The following DNAL1 variants were observed in gnomAD, a reference collection of about 807,000 sequenced individuals.
The protein encoded by DNAL1 is dynein axonemal light chain 1, also known as chromosome 14 open reading frame 168.
DNAL1 carries 17 observed loss-of-function variants against 29.4 expected under a neutral mutation model. The observed-to-expected ratio is 0.58, with a 90% confidence interval of 0.40 to 0.87. The LOEUF (loss-of-function observed/expected upper bound fraction) is 0.87. DNAL1 is among the 40% of genes least tolerant of loss of function. DNAL1 has a pLI of 0.00. For missense variants in DNAL1, 188 were observed against 214.1 expected, an observed-to-expected ratio of 0.88 and a Z score of 0.76; for synonymous variants, 78 against 76.3, an observed-to-expected ratio of 1.02 and a Z score of -0.12.
chr14:73,681,539 G>A (rs62004929), intron 5 of DNAL1, among the ~76,000 whole-genome samples: 33,918 of 144,150 alleles, frequency 0.24, 5,033 homozygotes, highest in Non-Finnish European at 0.34. Flanking sequence ...AGGCTGAGGC[G>A]GTGGGATCAC....
In DNAL1 at chr14:73,658,840, C is replaced by G. The variant is rs369887147; in HGVS notation, c.43-7C>G. On this transcript the variant is annotated splice_region_variant and splice_polypyrimidine_tract_variant and intron_variant, in intron 2 of 7. Transcript: ENST00000553645. Reference sequence around the variant, plus strand: ...GGTTATTTCTTCCAAATGTATTTTTCTCATAGGAAGAGAAAACTGGCCAGA... The same window carrying G: ...GGTTATTTCTTCCAAATGTATTTTTGTCATAGGAAGAGAAAACTGGCCAGA... The G allele has an allele frequency of 6.3e-7, 1 of 1,594,872 alleles. No individual in the cohort carries two copies. Among genetic ancestry groups the G allele is most frequent in the Non-Finnish European group, 8.5e-7 (1 of 1,169,820 alleles).
chr14:73,664,690 G>A (rs1010020608), intron 4 of DNAL1, among the ~76,000 whole-genome samples: 8 of 151,752 alleles, frequency 5.3e-5, no homozygotes, highest in African/African-American at 1.5e-4. Flanking sequence ...GCAACATAGC[G>A]AGACCCCCAT....
intron 1 of DNAL1, among the ~76,000 whole-genome samples, chr14:73,651,637 G>A (rs749973334): frequency 2.6e-5 from 4 of 151,900 alleles, no homozygotes; most frequent in Admixed American, 6.6e-5. Context: ...AAACCTTATT[G>A]CCATATGTTT....
intron 4 of DNAL1, among the ~76,000 whole-genome samples, chr14:73,666,290 C>T (rs1891475568): frequency 1.3e-5 from 2 of 151,994 alleles, no homozygotes; most frequent in Non-Finnish European, 2.9e-5. Flanking sequence ...TTTATTGTAC[C>T]AGAATTGTGA....
At chr14:73,678,409 T>C (rs1891795057) in intron 5 of DNAL1, among the ~76,000 whole-genome samples, 1 of 152,098 alleles carries the variant, frequency 6.6e-6, no homozygotes, top group South Asian at 2.1e-4. Context: ...TTACATGCAT[T>C]ATCTCATTTC....
chr14:73,682,173 T>G (rs1891903579), intron 5 of DNAL1, among the ~76,000 whole-genome samples: 1 of 143,510 alleles, frequency 7.0e-6, no homozygotes, highest in Non-Finnish European at 1.5e-5. Flanking sequence ...TACTGTAACT[T>G]TTTTTTTTTT....
chr14:73,681,781 C>G (rs1043834885), intron 5 of DNAL1, among the ~76,000 whole-genome samples: 4 of 150,090 alleles, frequency 2.7e-5, no homozygotes, highest in African/African-American at 9.8e-5. Flanking sequence ...GACAACAGAG[C>G]AAGACGCTGC....
intron 6 of DNAL1, 39 bp from the exon 7 acceptor site, chr14:73,689,336 C>T (rs1368151422): frequency 6.5e-7 from 1 of 1,549,240 alleles, no homozygotes; most frequent in East Asian, 2.4e-5. Context: ...CCGGCCAAAA[C>T]TTAGTGTTTT....
intron 4 of DNAL1, among the ~76,000 whole-genome samples, chr14:73,662,875 C>A (rs1362427388): frequency 7.1e-6 from 1 of 141,782 alleles, no homozygotes; most frequent in Non-Finnish European, 1.5e-5. Context: ...ATGTAAGTAT[C>A]TTTGGGGGAG....
intron 4 of DNAL1, among the ~76,000 whole-genome samples, chr14:73,662,391 T>A (rs1322812769): frequency 6.6e-6 from 1 of 152,196 alleles, no homozygotes; most frequent in Non-Finnish European, 1.5e-5. Flanking sequence ...TTTCCTGTGC[T>A]CCTTATCCTC....
intron 1 of DNAL1, 74 bp downstream of exon 1, chr14:73,645,116 G>A: frequency 6.3e-7 from 1 of 1,575,828 alleles, no homozygotes; most frequent in Non-Finnish European, 8.6e-7. Context: ...GTGGAGTGTT[G>A]AGGGTCTGGG....
At position 73,671,958 on chromosome 14, in the gene DNAL1, C is replaced by T. The variant is rs528872734; in HGVS notation, c.264+361C>T. On this transcript the variant is annotated intron_variant, in intron 5 of 7. Coordinates refer to ENST00000553645, the MANE Select transcript of DNAL1 (RefSeq NM_031427.4). ...AGTGAATATTTCTTGTATCTGTTCC[C>T]GAAAAGACAATACTTTTTGATGTTT... is the stretch of plus-strand genomic sequence containing the variant. Among the ~76,000 whole-genome samples, 13 of 152,186 alleles carry T rather than the reference C, an allele frequency of 8.5e-5. No individual in the cohort carries two copies. In the South Asian group the frequency reaches 2.1e-3, roughly 24 times the overall value.
At chr14:73,648,730 T>C (rs1418033134) in intron 1 of DNAL1, among the ~76,000 whole-genome samples, 2 of 151,500 alleles carry the variant, frequency 1.3e-5, no homozygotes, top group African/African-American at 2.4e-5. Context: ...GATATTCTTA[T>C]TAGTCATCTG....
Position 73,700,345 on chromosome 14 carries a change from TCC to T in DNAL1, c.*4404_*4405del, listed in dbSNP as rs1246179837. ...TCCAGCCTGGGTGACAGAGTAAGTC[TCC>T]GTCTCAAAAAGAAAAAAAAAAATGT... On this transcript the variant is annotated 3_prime_UTR_variant, in exon 8 of 8. Transcript: ENST00000553645. 1 of 117,044 alleles carries T rather than the reference TCC, an allele frequency of 8.5e-6. No individual in the cohort carries two copies. The highest frequency in any genetic ancestry group is 9.6e-5 in the Admixed American group (1 of 10,374). The allele number at this position is 117,044 out of a possible 1,614,324, so 7.3% of individuals were successfully genotyped here.
intron 3 of DNAL1, chr14:73,659,747 C>T (rs2140031898): frequency 1.3e-5 from 2 of 151,932 alleles, no homozygotes; most frequent in East Asian, 3.9e-4. Context: ...TACTACATGC[C>T]TAAGAGATAC....
rs71112798 is a variant in DNAL1 at position 73,695,048 on chromosome 14, CTTTTTT to C, written c.533-834_533-829del. Reference sequence around the variant, plus strand: ...TATTTTTCTACTTGGTACTTGTTGGCTTTTTTTTTTTTTTTTTTTTTTTTTGAGACA... The same window carrying C: ...TATTTTTCTACTTGGTACTTGTTGGCTTTTTTTTTTTTTTTTTTTGAGACA... On this transcript the variant is annotated intron_variant, in intron 7 of 7. Coordinates refer to ENST00000553645, the MANE Select transcript of DNAL1 (RefSeq NM_031427.4). Among the ~76,000 whole-genome samples, 215 of 60,884 alleles carry C rather than the reference CTTTTTT, an allele frequency of 3.5e-3. 1 individual carries two copies. The highest frequency in any genetic ancestry group is 0.015 in the African/African-American group (208 of 14,208). The allele number at this position is 60,884 out of a possible 152,430, so 39.9% of individuals were successfully genotyped here. A position where few individuals can be genotyped will look rare whatever the true frequency, so the allele number is the denominator to read the frequency against.
rs1891614501 is a variant in DNAL1 at position 73,671,536 on chromosome 14, C to T, written c.209-6C>T. On this transcript the variant is annotated splice_region_variant and splice_polypyrimidine_tract_variant and intron_variant, in intron 4 of 7. Transcript: ENST00000553645. ...TAAACAAAAAAATGTTTTCTTTTCACTACAGAAAACTTGAGGATATTATCT... is the reference window on the plus strand; with the variant it reads ...TAAACAAAAAAATGTTTTCTTTTCATTACAGAAAACTTGAGGATATTATCT... 2 of 1,466,972 alleles carry T rather than the reference C, an allele frequency of 1.4e-6. No individual in the cohort carries two copies. Among genetic ancestry groups the T allele is most frequent in the Admixed American group, 2.4e-5 (1 of 42,256 alleles). 90.9% of individuals were successfully genotyped at this position (1,466,972 alleles called of 1,614,324 possible). A position where few individuals can be genotyped will look rare whatever the true frequency, so the allele number is the denominator to read the frequency against.
chr14:73,651,916 C>T (rs916912401), intron 1 of DNAL1, among the ~76,000 whole-genome samples: 1 of 152,086 alleles, frequency 6.6e-6, no homozygotes, highest in African/African-American at 2.4e-5. Flanking sequence ...CTCAGCCTCC[C>T]AAAGTGCTAG....
At chr14:73,689,282 T>C in intron 6 of DNAL1, 93 bp from the exon 7 acceptor site, 2 of 1,456,562 alleles carry the variant, frequency 1.4e-6, no homozygotes, top group South Asian at 2.6e-5. Context: ...TCCGCCCGCC[T>C]TGTCCCCCCA....
Sources: allele counts gnomAD v4.1 joint callset (sites outside exome capture counted in the v4.1 genomes callset), GRCh38; gene constraint gnomAD v4.1.1; transcripts MANE v1.5; gene names NCBI Gene and HGNC (gene_info 2026-07-23, HGNC 2026-07-21).